The following DSCAML1 variants were observed in gnomAD, a reference collection of about 807,000 sequenced individuals.
DSCAML1 encodes DS cell adhesion molecule like 1.
DSCAML1 carries 38 observed loss-of-function variants against 200.5 expected under a neutral mutation model. That is an observed-to-expected ratio of 0.19 (90% CI 0.15 to 0.25). The LOEUF (loss-of-function observed/expected upper bound fraction) is 0.25. DSCAML1 is among the 10% of genes least tolerant of loss of function. The pLI is 1.00. For missense variants in DSCAML1, 2,223 were observed against 2,858.8 expected (o/e 0.78, Z 5.07); for synonymous variants, 1,215 against 1,165.0 (o/e 1.04, Z -0.87).
intron 21 of DSCAML1, among the ~76,000 whole-genome samples, chr11:117,442,245 CATGTGCATATGT>C (rs1413726231): frequency 7.1e-5 from 10 of 140,576 alleles, no homozygotes; most frequent in Middle Eastern, 4.5e-3. Context: ...CGTGTGTATG[CATGTGCATATGT>C]GTGTGCATGT....
chr11:117,790,798 T>A (rs2055449129), intron 1 of DSCAML1, among the ~76,000 whole-genome samples: 1 of 152,230 alleles, frequency 6.6e-6, no homozygotes, highest in Non-Finnish European at 1.5e-5. Flanking sequence ...ATTAGGCAAC[T>A]TGCCCAGGTA....
At chr11:117,656,404 C>T (rs560721335) in intron 3 of DSCAML1, among the ~76,000 whole-genome samples, 3 of 152,266 alleles carry the variant, frequency 2.0e-5, no homozygotes, top group Admixed American at 1.3e-4. Context: ...ACCTACACCA[C>T]GGGAAGGTTC....
chr11:117,687,817 A>G (rs1206594519), intron 3 of DSCAML1, among the ~76,000 whole-genome samples: 4 of 152,224 alleles, frequency 2.6e-5, no homozygotes, highest in Admixed American at 1.3e-4. Flanking sequence ...TAGATGGCAC[A>G]TGTCCTGCAC....
intron 3 of DSCAML1, among the ~76,000 whole-genome samples, chr11:117,723,949 T>C (rs2054079350): frequency 6.6e-6 from 1 of 152,210 alleles, no homozygotes; most frequent in Non-Finnish European, 1.5e-5. Flanking sequence ...CTAGACTAAC[T>C]ACCCTGCTCG....
At chr11:117,443,189 G>A (rs949596280) in intron 21 of DSCAML1, among the ~76,000 whole-genome samples, 4 of 152,218 alleles carry the variant, frequency 2.6e-5, no homozygotes, top group African/African-American at 7.2e-5. Context: ...GGCTAGTTGT[G>A]GCCAGTTCCT....
chr11:117,715,203 C>T (rs4255570), intron 3 of DSCAML1, among the ~76,000 whole-genome samples: 144,912 of 152,034 alleles, frequency 0.95, 69,236 homozygotes, highest in South Asian at 0.99. Context: ...AGAAGCACTG[C>T]CTTCTCCCGG....
chr11:117,743,594 G>A (rs1042415958), intron 3 of DSCAML1, among the ~76,000 whole-genome samples: 20 of 152,074 alleles, frequency 1.3e-4, no homozygotes, highest in African/African-American at 4.8e-4. Context: ...CACCCTCTGG[G>A]CTCCAGGCCC....
chr11:117,587,332 C>A (rs1329072300), intron 3 of DSCAML1, among the ~76,000 whole-genome samples: 1 of 148,472 alleles, frequency 6.7e-6, no homozygotes, highest in African/African-American at 2.4e-5. Flanking sequence ...GGTGAGTGAC[C>A]TGCACAAGGT....
chr11:117,513,757 A>AAAAGTCCATT (rs2049698213), intron 8 of DSCAML1, among the ~76,000 whole-genome samples: 1 of 151,878 alleles, frequency 6.6e-6, no homozygotes, highest in African/African-American at 2.4e-5. Flanking sequence ...AAAAAAAAAA[A>AAAAGTCCATT]AAAAGTCCAT....
chr11:117,716,559 GGAGGGTA>G (rs369940345), intron 3 of DSCAML1, among the ~76,000 whole-genome samples: 467 of 152,254 alleles, frequency 3.1e-3, no homozygotes, highest in Non-Finnish European at 5.1e-3. Flanking sequence ...GCCAGAGAGG[GGAGGGTA>G]GTCCAGGGGA....
chr11:117,496,620 G>A (rs1320743597), intron 11 of DSCAML1, among the ~76,000 whole-genome samples: 1 of 152,196 alleles, frequency 6.6e-6, no homozygotes, highest in African/African-American at 2.4e-5. Flanking sequence ...TTGGAGCTCA[G>A]ATCCATCTGG....
At position 117,518,741 on chromosome 11, in the gene DSCAML1, G is replaced by A. The variant is rs773947462; in HGVS notation, c.1235C>T (p.Ser412Leu). The A allele has an allele frequency of 7.4e-6, 12 of 1,612,062 alleles. No homozygotes were observed. The highest frequency in any genetic ancestry group is 1.3e-5 in the African/African-American group (1 of 74,952). Residue 412 changes from serine (S) to leucine (L), a missense_variant, in exon 7 of 33, where the codon TCG becomes TTG. This residue lies in a region of DSCAML1 where 579 missense variants were observed against 721.5 expected (regional missense o/e 0.80). Transcript: ENST00000651296. This position sits in a 1 kb window ranked among gnomAD's most constrained non-coding sequence, Gnocchi z 6.3. ...GTTGACCACCTTCTCGCTGAAGGACGAGACGATGCGGGGCGTGCCATCTGC... is the reference window on the plus strand; with the variant it reads ...GTTGACCACCTTCTCGCTGAAGGACAAGACGATGCGGGGCGTGCCATCTGC... ...ALEDGTPRIV[S>L]SFSEKVVNPG...
intron 3 of DSCAML1, among the ~76,000 whole-genome samples, chr11:117,715,144 C>T (rs555600612): frequency 1.1e-4 from 16 of 152,132 alleles, no homozygotes; most frequent in South Asian, 4.1e-4. Flanking sequence ...CTATAACCCA[C>T]GGGCTTGGCT....
intron 19 of DSCAML1, among the ~76,000 whole-genome samples, chr11:117,457,146 G>T (rs939525833): frequency 6.6e-6 from 1 of 152,200 alleles, no homozygotes; most frequent in African/African-American, 2.4e-5. Flanking sequence ...TGCCAGGCTG[G>T]GGGCATGCAC....
At chr11:117,448,430 C>T (rs941049617) in intron 20 of DSCAML1, among the ~76,000 whole-genome samples, 1 of 152,188 alleles carries the variant, frequency 6.6e-6, no homozygotes, top group African/African-American at 2.4e-5. Flanking sequence ...GATGCTGCCC[C>T]TGTCCTCGTG....
At chr11:117,644,295 C>T (rs2052475193) in intron 3 of DSCAML1, among the ~76,000 whole-genome samples, 1 of 152,258 alleles carries the variant, frequency 6.6e-6, no homozygotes, top group South Asian at 2.1e-4. Context: ...AAGTCCCCGA[C>T]TCCAGCCCTC....
chr11:117,742,828 C>T (rs1333824613), intron 3 of DSCAML1, among the ~76,000 whole-genome samples: 3 of 152,206 alleles, frequency 2.0e-5, no homozygotes, highest in African/African-American at 7.2e-5. Flanking sequence ...GTGGTCTTGT[C>T]TCTGAGAATG....
intron 6 of DSCAML1, among the ~76,000 whole-genome samples, chr11:117,520,635 AAAAGT>A (rs1161328593): frequency 1.3e-5 from 2 of 152,154 alleles, no homozygotes; most frequent in African/African-American, 2.4e-5. Flanking sequence ...TTAAAAAAAA[AAAAGT>A]AAAGGCCTCA....
Position 117,437,793 on chromosome 11 carries a change from C to G in DSCAML1, c.4432+102G>C. 2.3e-6 allele frequency: 3 copies of G among 1,318,060 alleles called. No homozygotes were observed. Among genetic ancestry groups the G allele is most frequent in the Non-Finnish European group, 3.0e-6 (3 of 988,544 alleles). 81.6% of individuals were successfully genotyped at this position (1,318,060 alleles called of 1,614,324 possible). On this transcript the variant is annotated intron_variant, in intron 25 of 32. Transcript: ENST00000651296. This position sits in a 1 kb window ranked among gnomAD's most constrained non-coding sequence, Gnocchi z 5.3. Reference sequence around the variant, plus strand: ...TCAGTCTCCCTGCATCCCTGGACCCCTCCTTCCCCACCCCAGCCACCTTAC... The same window carrying G: ...TCAGTCTCCCTGCATCCCTGGACCCGTCCTTCCCCACCCCAGCCACCTTAC...
Sources: gnomAD v4.1 joint callset for allele counts (sites outside exome capture counted in the v4.1 genomes callset) on GRCh38, gnomAD v4.1.1 for gene constraint, gnomAD v4.1.1 regional missense constraint, Gnocchi (gnomAD v3.1) non-coding constraint, MANE v1.5 for transcripts, NCBI Gene and HGNC (gene_info 2026-07-23, HGNC 2026-07-21) for gene names.